Variants in SRGAP2 observed in about 807,000 individuals in gnomAD.
SRGAP2 encodes SLIT-ROBO Rho GTPase activating protein 2, also known as SLIT-ROBO Rho GTPase-activating protein 2.
SRGAP2 carries 15 observed loss-of-function variants against 57.2 expected under a neutral mutation model. The ratio of observed to expected loss-of-function variants is 0.26; its 90% CI spans 0.18 to 0.40. The LOEUF (loss-of-function observed/expected upper bound fraction) is 0.40, where lower values mean the gene tolerates loss of function less well. SRGAP2 is among the 10% of genes least tolerant of loss of function. SRGAP2 has a pLI of 1.00. For synonymous variants in SRGAP2, 249 were observed against 248.0 expected (o/e 1.00, Z -0.04); for missense variants, 520 against 669.6 (o/e 0.78, Z 2.47).
At chr1:206,252,270 C>G (rs1418254682) in intron 2 of SRGAP2, among the ~76,000 whole-genome samples, 7 of 150,176 alleles carry the variant, frequency 4.7e-5, no homozygotes, top group Non-Finnish European at 8.9e-5. Context: ...CTCTCTGTCT[C>G]TCTCTCTTTT....
intron 14 of SRGAP2, among the ~76,000 whole-genome samples, chr1:206,430,794 T>G (rs1178093873): frequency 6.6e-6 from 1 of 152,222 alleles, no homozygotes; most frequent in East Asian, 1.9e-4. Context: ...AATCATACTC[T>G]CTTCTACTTG....
At chr1:206,291,855 A>T (rs1325957075) in intron 2 of SRGAP2, among the ~76,000 whole-genome samples, 1 of 148,988 alleles carries the variant, frequency 6.7e-6, no homozygotes. Flanking sequence ...ATAAATGGTT[A>T]TCTATTCTGA....
intron 22 of SRGAP2, among the ~76,000 whole-genome samples, 174 bp from the exon 23 acceptor site, chr1:206,460,863 C>T (rs1205086767): frequency 1.3e-5 from 2 of 152,096 alleles, no homozygotes; most frequent in African/African-American, 4.8e-5. Flanking sequence ...AAAATCCCTC[C>T]GTCCCCCTTT....
At chr1:206,307,806 C>G (rs1182142212) in intron 3 of SRGAP2, among the ~76,000 whole-genome samples, 4,192 of 152,000 alleles carry the variant, frequency 0.028, 53 homozygotes, top group Middle Eastern at 0.034. Context: ...AAGCGCCGCA[C>G]GCAGCCCCGG....
chr1:206,377,227 A>AT (rs1390695125), intron 4 of SRGAP2, among the ~76,000 whole-genome samples: 2 of 152,010 alleles, frequency 1.3e-5, no homozygotes, highest in Non-Finnish European at 2.9e-5. Flanking sequence ...AGTTTCTGAC[A>AT]TTTTCTTTTA....
chr1:206,393,048 G>C, intron 6 of SRGAP2, 144 bp downstream of exon 6: 1 of 636,154 alleles, frequency 1.6e-6, no homozygotes, highest in Non-Finnish European at 2.8e-6. Flanking sequence ...ATGAGGCCTT[G>C]CTCTGTGCCC....
At chr1:206,429,650 T>C (rs1322908808) in intron 13 of SRGAP2, among the ~76,000 whole-genome samples, 1 of 152,250 alleles carries the variant, frequency 6.6e-6, no homozygotes, top group Non-Finnish European at 1.5e-5. Flanking sequence ...ACAGGCAGTA[T>C]TCCTGGCATG....
Position 206,454,027 on chromosome 1 carries a change from G to C in SRGAP2, c.2360+647G>C. ...TCTCACACTTTGAAGCAGTTGTCCCGTGGGCCCACCCAAGCCTGCCCCCTG... is the reference window on the plus strand; with the variant it reads ...TCTCACACTTTGAAGCAGTTGTCCCCTGGGCCCACCCAAGCCTGCCCCCTG... On this transcript the variant is annotated intron_variant, in intron 20 of 22. Transcript: ENST00000573034. This position sits in a 1 kb window ranked among gnomAD's most constrained non-coding sequence, Gnocchi z 4.3. 1.5e-6 allele frequency: 1 copy of C among 678,968 alleles called. No individual in the cohort carries two copies. The highest frequency in any genetic ancestry group is 2.7e-6 in the Non-Finnish European group (1 of 372,420). The allele number at this position is 678,968 out of a possible 1,614,324, so 42.1% of individuals were successfully genotyped here. A position where few individuals can be genotyped will look rare whatever the true frequency, so the allele number is the denominator to read the frequency against.
At chr1:206,449,286 A>ATTTTT (rs35698284) in intron 18 of SRGAP2, among the ~76,000 whole-genome samples, 3 of 110,678 alleles carry the variant, frequency 2.7e-5, no homozygotes, top group Admixed American at 9.2e-5. Flanking sequence ...ACACTGGATG[A>ATTTTT]TTTTTTTTTT....
At chr1:206,444,178 C>CA (rs782535999) in intron 17 of SRGAP2, among the ~76,000 whole-genome samples, 188 of 116,952 alleles carry the variant, frequency 1.6e-3, no homozygotes, top group Middle Eastern at 0.012. Flanking sequence ...GACTCCGTCT[C>CA]AAAAAAAAAA....
intron 15 of SRGAP2, 133 bp from the exon 16 acceptor site, chr1:206,437,831 T>C: frequency 1.4e-6 from 1 of 693,096 alleles, no homozygotes; most frequent in Admixed American, 2.1e-5. Context: ...GTCCCACTCA[T>C]GGCCACCATG....
At chr1:206,281,893 G>A (rs1282754096) in intron 2 of SRGAP2, among the ~76,000 whole-genome samples, 9 of 139,808 alleles carry the variant, frequency 6.4e-5, no homozygotes, top group Admixed American at 3.5e-4. Context: ...CAGCCTGGGC[G>A]ACAGAGTGAG....
At chr1:206,312,424 ACCT>A (rs1553324475) in intron 3 of SRGAP2, among the ~76,000 whole-genome samples, 4 of 151,520 alleles carry the variant, frequency 2.6e-5, no homozygotes, top group Non-Finnish European at 5.9e-5. Context: ...TCTTTTGGAC[ACCT>A]CCTCCCCTGG....
At chr1:206,419,224 T>A (rs1226846660) in intron 11 of SRGAP2, 149 bp from the exon 12 acceptor site, 1 of 636,422 alleles carries the variant, frequency 1.6e-6, no homozygotes, top group Non-Finnish European at 2.9e-6. Flanking sequence ...TGTCTCTCTC[T>A]GTCTCTCTCT....
At chr1:206,327,681 T>C (rs1351403875) in intron 3 of SRGAP2, among the ~76,000 whole-genome samples, 2 of 116,834 alleles carry the variant, frequency 1.7e-5, no homozygotes, top group Non-Finnish European at 3.3e-5. Flanking sequence ...TTTATTTATT[T>C]ATTTTTTTAA....
intron 17 of SRGAP2, among the ~76,000 whole-genome samples, chr1:206,441,193 A>C (rs958027139): frequency 1.3e-5 from 2 of 152,212 alleles, no homozygotes; most frequent in East Asian, 1.9e-4. Flanking sequence ...TGATGTGGTC[A>C]TGGTCATTTG....
At chr1:206,226,438 A>G (rs1667277330) in intron 2 of SRGAP2, among the ~76,000 whole-genome samples, 1 of 151,936 alleles carries the variant, frequency 6.6e-6, no homozygotes, top group African/African-American at 2.4e-5. Context: ...GTTTGGTAGA[A>G]AAAAGACCAC....
intron 18 of SRGAP2, among the ~76,000 whole-genome samples, chr1:206,446,647 CTG>C (rs1344854741): frequency 6.6e-6 from 1 of 152,244 alleles, no homozygotes; most frequent in Non-Finnish European, 1.5e-5. Context: ...GGCTTCTACT[CTG>C]TGCTCTGTAT....
At chr1:206,355,985 T>C (rs1214989751) in intron 4 of SRGAP2, among the ~76,000 whole-genome samples, 51 of 148,538 alleles carry the variant, frequency 3.4e-4, no homozygotes, top group African/African-American at 7.5e-4. Flanking sequence ...AATAAATAAA[T>C]AAATAAAATA....
Sources: gnomAD v4.1 joint callset for allele counts (sites outside exome capture counted in the v4.1 genomes callset) on GRCh38, gnomAD v4.1.1 for gene constraint, Gnocchi (gnomAD v3.1) non-coding constraint, MANE v1.5 for transcripts, NCBI Gene and HGNC (gene_info 2026-07-23, HGNC 2026-07-21) for gene names.